The following CEP128 variants were observed in gnomAD, a reference collection of about 807,000 sequenced individuals.
CEP128 encodes centrosomal protein 128kDa.
In CEP128, 132 loss-of-function variants were observed where a neutral mutation model predicts 156.7. The observed-to-expected ratio is 0.84, with a 90% CI of 0.73 to 0.97. CEP128 has a LOEUF of 0.97. Ranked by LOEUF, CEP128 falls within the 50% of genes least tolerant of loss-of-function variation. The probability of loss-of-function intolerance (pLI) is 0.00; values close to 1 mark genes in which losing one functional copy is unlikely to be tolerated. For missense variants in CEP128, 1,252 were observed against 1,281.9 expected (o/e 0.98, Z 0.36); for synonymous variants, 469 against 448.9 (o/e 1.04, Z -0.57).
intron 15 of CEP128, among the ~76,000 whole-genome samples, chr14:80,784,105 T>C (rs1380751264): frequency 6.6e-6 from 1 of 152,166 alleles, no homozygotes; most frequent in East Asian, 1.9e-4. Flanking sequence ...GATTTATCCA[T>C]TCATTCATTC....
At chr14:80,582,254 C>A (rs905607153) in intron 19 of CEP128, among the ~76,000 whole-genome samples, 2 of 152,200 alleles carry the variant, frequency 1.3e-5, no homozygotes, top group Admixed American at 6.5e-5. Context: ...AACTCCAATT[C>A]ACAGAACCAG....
intron 19 of CEP128, among the ~76,000 whole-genome samples, chr14:80,717,153 A>T (rs1157248818): frequency 6.6e-6 from 1 of 152,212 alleles, no homozygotes; most frequent in Non-Finnish European, 1.5e-5. Context: ...ATAATTGTCC[A>T]ATCTAATAGG....
At chr14:80,642,425 T>A (rs1386554725) in intron 19 of CEP128, among the ~76,000 whole-genome samples, 1 of 152,194 alleles carries the variant, frequency 6.6e-6, no homozygotes, top group African/African-American at 2.4e-5. Context: ...GGCTCTCACC[T>A]GAAACCCCAG....
In CEP128 at chr14:80,717,509, C is replaced by A. The variant is rs1459346008; in HGVS notation, c.2806+25566G>T. 4.9e-4 allele frequency among the ~76,000 whole-genome samples: 75 copies of A among 152,064 alleles called. 2 individuals are homozygous for A. Among genetic ancestry groups the A allele is most frequent in the Non-Finnish European group, 1.6e-4 (11 of 67,978 alleles). On this transcript the variant is annotated intron_variant, in intron 19 of 24. Coordinates refer to ENST00000555265, the MANE Select transcript of CEP128 (RefSeq NM_152446.5). ...ATATAATAACATCTTCCATGAGCATCAGAAGGGGTAAATGGGGGCATTTGT... is the reference window on the plus strand; with the variant it reads ...ATATAATAACATCTTCCATGAGCATAAGAAGGGGTAAATGGGGGCATTTGT...
chr14:80,753,775 G>C (rs1448658737), intron 18 of CEP128, among the ~76,000 whole-genome samples: 2 of 152,058 alleles, frequency 1.3e-5, no homozygotes, highest in Non-Finnish European at 2.9e-5. Context: ...TGCCTATCTG[G>C]GACACTACAT....
At chr14:80,657,370 G>A (rs544523721) in intron 19 of CEP128, among the ~76,000 whole-genome samples, 3 of 152,136 alleles carry the variant, frequency 2.0e-5, no homozygotes, top group African/African-American at 7.2e-5. Context: ...CTTCTCAGGG[G>A]GCTGAGCACG....
At chr14:80,481,630 A>G (rs1286856302) in intron 14 of CEP128, among the ~76,000 whole-genome samples, 4 of 152,258 alleles carry the variant, frequency 2.6e-5, no homozygotes, top group Non-Finnish European at 5.9e-5. Context: ...AAAGTGACCC[A>G]GTTATTCAAC....
intron 6 of CEP128, 67 bp downstream of exon 6, chr14:80,904,746 T>TA (rs1883783674): frequency 1.1e-6 from 1 of 888,534 alleles, no homozygotes; most frequent in African/African-American, 1.6e-5. Flanking sequence ...GTTCAAGCAT[T>TA]AGTCATTTAT....
At chr14:80,772,728 C>G (rs889751021) in intron 16 of CEP128, among the ~76,000 whole-genome samples, 1 of 152,096 alleles carries the variant, frequency 6.6e-6, no homozygotes, top group African/African-American at 2.4e-5. Context: ...TGTGTGCTCC[C>G]CCTCCCATAA....
chr14:80,869,382 AAT>A (rs1460191497), intron 8 of CEP128, among the ~76,000 whole-genome samples: 1 of 152,074 alleles, frequency 6.6e-6, no homozygotes, highest in Non-Finnish European at 1.5e-5. Flanking sequence ...TTTAAAAGAA[AAT>A]GAAAAAATTC....
intron 19 of CEP128, among the ~76,000 whole-genome samples, chr14:80,704,558 G>T (rs1261194226): frequency 6.6e-6 from 1 of 151,756 alleles, no homozygotes; most frequent in Non-Finnish European, 1.5e-5. Context: ...GTTAACAAAT[G>T]GAAAAGAATG....
chr14:80,950,906 G>GAAAAAAAAAAAAAAAAA (rs59969729), intron 2 of CEP128, among the ~76,000 whole-genome samples: 1 of 115,060 alleles, frequency 8.7e-6, no homozygotes, highest in Non-Finnish European at 1.9e-5. Context: ...TCCCGAGTAA[G>GAAAAAAAAAAAAAAAAA]AAAAAAAAAA....
At chr14:80,727,098 G>T (rs913347271) in intron 19 of CEP128, among the ~76,000 whole-genome samples, 10 of 152,268 alleles carry the variant, frequency 6.6e-5, no homozygotes, top group African/African-American at 2.2e-4. Context: ...GTACAATACC[G>T]CTGTGAAAGA....
At position 80,541,463 on chromosome 14, in the gene CEP128, AAAC is replaced by A. The variant is rs1421634234; in HGVS notation, c.2881-10580_2881-10578del. Among the ~76,000 whole-genome samples the A allele has an allele frequency of 4.3e-3, 648 of 150,182 alleles. 13 individuals are homozygous for A. The highest frequency in any genetic ancestry group is 0.015 in the African/African-American group (614 of 40,298). ...TGTGTTAAAAAAAAAAAAAAAAAAA[AAAC>A]CAGGAAAAAAGACATTTTTGTTTCC... On this transcript the variant is annotated intron_variant, in intron 21 of 24. Coordinates refer to ENST00000555265, the MANE Select transcript of CEP128 (RefSeq NM_152446.5).
chr14:80,546,123 C>T (rs1310577623), intron 21 of CEP128, among the ~76,000 whole-genome samples: 1 of 152,136 alleles, frequency 6.6e-6, no homozygotes, highest in Non-Finnish European at 1.5e-5. Flanking sequence ...GATTAATGGG[C>T]CAAACCTTTC....
At chr14:80,712,935 C>A (rs537748879) in intron 19 of CEP128, among the ~76,000 whole-genome samples, 1 of 152,264 alleles carries the variant, frequency 6.6e-6, no homozygotes. Context: ...TAACTCTAAT[C>A]TGTAAAATAC....
intron 19 of CEP128, among the ~76,000 whole-genome samples, chr14:80,653,383 G>C (rs1894994067): frequency 6.6e-6 from 1 of 152,064 alleles, no homozygotes; most frequent in African/African-American, 2.4e-5. Flanking sequence ...TGAGATTTCA[G>C]AAAAGAAGTG....
At chr14:80,663,079 C>A (rs1418268707) in intron 19 of CEP128, among the ~76,000 whole-genome samples, 1 of 152,120 alleles carries the variant, frequency 6.6e-6, no homozygotes, top group Non-Finnish European at 1.5e-5. Flanking sequence ...TAATAAACAA[C>A]CCCAATGTGT....
At chr14:80,906,181 GT>G in intron 4 of CEP128, 100 bp from the exon 5 acceptor site, 3 of 905,346 alleles carry the variant, frequency 3.3e-6, no homozygotes, top group Non-Finnish European at 4.6e-6. Context: ...AAATATCTGG[GT>G]TCCCCCCAAA....
Sources: gnomAD v4.1 joint callset for allele counts (sites outside exome capture counted in the v4.1 genomes callset) on GRCh38, gnomAD v4.1.1 for gene constraint, MANE v1.5 for transcripts, NCBI Gene and HGNC (gene_info 2026-07-23, HGNC 2026-07-21) for gene names.